MGAT4C: variants seen among roughly 807,000 people sequenced by gnomAD.
MGAT4C encodes the protein MGAT4 family member C, also known as alpha-1,3-mannosyl-glycoprotein 4-beta-N-acetylglucosaminyltransferase C.
In MGAT4C, 19 loss-of-function variants were observed where a neutral mutation model predicts 40.1. The observed-to-expected ratio is 0.47, with a 90% CI of 0.33 to 0.70. The LOEUF (loss-of-function observed/expected upper bound fraction) is 0.70, where lower values mean the gene tolerates loss of function less well. MGAT4C is among the 30% of genes least tolerant of loss of function. MGAT4C has a pLI of 0.02. For synonymous variants in MGAT4C, 181 were observed against 187.1 expected (o/e 0.97, Z 0.27); for missense variants, 491 against 563.2 (o/e 0.87, Z 1.30).
chr12:86,099,442 T>C (rs1257544768), intron 1 of MGAT4C, among the ~76,000 whole-genome samples: 2 of 151,224 alleles, frequency 1.3e-5, no homozygotes, highest in Non-Finnish European at 3.0e-5. Context: ...TTTATTATAC[T>C]ATAAGTTCCG....
At chr12:86,110,296 C>CTATATATATAG (rs375212206) in intron 1 of MGAT4C, among the ~76,000 whole-genome samples, 13,890 of 18,632 alleles carry the variant, frequency 0.75, 5,956 homozygotes, top group South Asian at 0.85. Context: ...TATATATAGT[C>CTATATATATAG]TCTCTATATA....
chr12:86,473,104 C>T (rs774859891), intron 2 of MGAT4C, among the ~76,000 whole-genome samples: 8 of 152,144 alleles, frequency 5.3e-5, no homozygotes, highest in East Asian at 1.9e-4. Flanking sequence ...TACAAGCATA[C>T]GCCTCCACGT....
chr12:86,053,950 G>T (rs963118807), intron 1 of MGAT4C, among the ~76,000 whole-genome samples: 3 of 151,872 alleles, frequency 2.0e-5, no homozygotes, highest in Admixed American at 6.6e-5. Context: ...TAAGTGTTAG[G>T]GAGGATATGG....
intron 2 of MGAT4C, among the ~76,000 whole-genome samples, chr12:86,462,449 TG>T (rs1290187658): frequency 6.6e-6 from 1 of 152,148 alleles, no homozygotes; most frequent in Admixed American, 6.5e-5. Context: ...TGACAACACA[TG>T]GAACGTTTGA....
In MGAT4C at chr12:85,993,387, T is replaced by A. The variant is rs7299757; in HGVS notation, c.-6-3835A>T. On this transcript the variant is annotated intron_variant, in intron 2 of 4. Transcript: ENST00000611864. ...ACCATTGGAGGACAAAATGAGCCCC[T>A]CATGATAAAATGAGAGAAGGGAGGA... 1.8e-3 allele frequency among the ~76,000 whole-genome samples: 271 copies of A among 152,256 alleles called. 1 individual carries two copies. Among genetic ancestry groups the A allele is most frequent in the African/African-American group, 6.0e-3 (251 of 41,542 alleles).
intron 2 of MGAT4C, among the ~76,000 whole-genome samples, chr12:86,039,213 C>T (rs11117166): frequency 0.031 from 4,728 of 152,148 alleles, 99 homozygotes; most frequent in Middle Eastern, 0.068. Context: ...TTGCTCTTTT[C>T]GAGGAGTATC....
At position 86,801,765 on chromosome 12, in the gene MGAT4C, C is replaced by A. The variant is rs1048280253; in HGVS notation, c.-262+36901G>T. 4.1e-5 allele frequency among the ~76,000 whole-genome samples: 6 copies of A among 147,460 alleles called. No individual in the cohort carries two copies. In the East Asian group the frequency reaches 7.8e-4, roughly 19 times the overall value. Reference sequence around the variant, plus strand: ...TTATTTTCCCATTCCCACACAGGATCAATTTCTTAATACTTACAAGTTATC... The same window carrying A: ...TTATTTTCCCATTCCCACACAGGATAAATTTCTTAATACTTACAAGTTATC... On this transcript the variant is annotated intron_variant, in intron 1 of 7. Transcript: ENST00000548651.
intron 2 of MGAT4C, among the ~76,000 whole-genome samples, chr12:86,490,653 A>G (rs1329817846): frequency 6.6e-6 from 1 of 152,194 alleles, no homozygotes; most frequent in Non-Finnish European, 1.5e-5. Context: ...GTCAAAACCC[A>G]TCAGTGTGCT....
At chr12:86,747,483 A>G (rs1951169404) in intron 1 of MGAT4C, among the ~76,000 whole-genome samples, 1 of 151,676 alleles carries the variant, frequency 6.6e-6, no homozygotes, top group Non-Finnish European at 1.5e-5. Flanking sequence ...TCTCTTTAAA[A>G]TTGTATTTTT....
At chr12:86,572,027 G>C (rs1722511947) in intron 2 of MGAT4C, among the ~76,000 whole-genome samples, 1 of 152,040 alleles carries the variant, frequency 6.6e-6, no homozygotes, top group South Asian at 2.1e-4. Flanking sequence ...GGTAGTTTAT[G>C]ATGGCATTTG....
intron 2 of MGAT4C, among the ~76,000 whole-genome samples, chr12:86,443,306 C>T (rs75503313): frequency 1.3e-5 from 2 of 152,074 alleles, no homozygotes; most frequent in East Asian, 3.9e-4. Context: ...CATAATTATC[C>T]ATTAATGTGG....
chr12:86,619,808 C>A (rs1962580418), intron 2 of MGAT4C, among the ~76,000 whole-genome samples: 1 of 152,094 alleles, frequency 6.6e-6, no homozygotes, highest in African/African-American at 2.4e-5. Flanking sequence ...TTTCCCCTGG[C>A]AGGAATAACC....
At chr12:86,811,756 T>C (rs547034138) in intron 1 of MGAT4C, among the ~76,000 whole-genome samples, 17 of 151,604 alleles carry the variant, frequency 1.1e-4, no homozygotes, top group Non-Finnish European at 2.2e-4. Flanking sequence ...TTTATTAATT[T>C]AATTTGAAGA....
At chr12:86,160,842 T>C (rs1443704942) in intron 1 of MGAT4C, among the ~76,000 whole-genome samples, 1 of 152,078 alleles carries the variant, frequency 6.6e-6, no homozygotes, top group Non-Finnish European at 1.5e-5. Context: ...TCATTGTCCT[T>C]CTTAATTTTT....
chr12:86,393,849 T>C (rs950994275), intron 3 of MGAT4C, among the ~76,000 whole-genome samples: 68 of 152,242 alleles, frequency 4.5e-4, no homozygotes, highest in African/African-American at 1.6e-3. Flanking sequence ...ATCCAAAATG[T>C]CAATGCTGCT....
rs1384537060 is a variant in MGAT4C, at chr12:85,957,346, A to G, written c.*21943T>C. On this transcript the variant is annotated 3_prime_UTR_variant, in exon 5 of 5. Transcript: ENST00000611864. ...TCATATTATTTATTGCAAAAATCCC[A>G]GAAATTAATTATATTTGGGTCTCAT... The G allele has an allele frequency of 1.3e-5, 2 of 152,204 alleles. No individual in the cohort carries two copies. Among genetic ancestry groups the G allele is most frequent in the African/African-American group, 4.8e-5 (2 of 41,468 alleles). The allele number at this position is 152,204 out of a possible 1,614,324, so 9.4% of individuals were successfully genotyped here. A position where few individuals can be genotyped will look rare whatever the true frequency, so the allele number is the denominator to read the frequency against.
chr12:86,696,424 A>C (rs1010265347), intron 2 of MGAT4C, among the ~76,000 whole-genome samples: 1 of 152,166 alleles, frequency 6.6e-6, no homozygotes, highest in African/African-American at 2.4e-5. Context: ...CTTTACAATA[A>C]ATAAATAATT....
intron 1 of MGAT4C, among the ~76,000 whole-genome samples, chr12:86,826,701 T>C (rs75754584): frequency 0.02 from 2,988 of 151,368 alleles, 41 homozygotes; most frequent in Non-Finnish European, 0.03. Context: ...GTTCATGTAC[T>C]TGAGTGCATA....
intron 1 of MGAT4C, among the ~76,000 whole-genome samples, chr12:86,742,654 G>A (rs1376962704): frequency 6.6e-6 from 1 of 151,342 alleles, no homozygotes; most frequent in African/African-American, 2.4e-5. Flanking sequence ...TAATTATTGA[G>A]CCATTGAGTT....
Sources: allele counts gnomAD v4.1 joint callset (sites outside exome capture counted in the v4.1 genomes callset), GRCh38; gene constraint gnomAD v4.1.1; transcripts MANE v1.5; gene names NCBI Gene and HGNC (gene_info 2026-07-23, HGNC 2026-07-21).